Variants in TENT4B observed in about 807,000 individuals in gnomAD.
TENT4B encodes the protein terminal nucleotidyltransferase 4B.
In TENT4B, 10 loss-of-function variants were observed where a neutral mutation model predicts 75.0. The observed-to-expected ratio is 0.13, with a 90% CI of 0.08 to 0.23. TENT4B has a LOEUF of 0.23. Ranked by LOEUF, TENT4B falls within the 10% of genes least tolerant of loss-of-function variation. The probability of loss-of-function intolerance (pLI) is 1.00; values close to 1 mark genes in which losing one functional copy is unlikely to be tolerated. For synonymous variants in TENT4B, 350 were observed against 357.7 expected, an observed-to-expected ratio of 0.98 and a Z score of 0.24; for missense variants, 579 against 893.8, an observed-to-expected ratio of 0.65 and a Z score of 4.49.
chr16:50,159,749 C>T (rs191985821), intron 1 of TENT4B, among the ~76,000 whole-genome samples: 4 of 152,286 alleles, frequency 2.6e-5, no homozygotes, highest in African/African-American at 9.6e-5. Flanking sequence ...TTGAATTTTA[C>T]TGATTTGGGT....
intron 1 of TENT4B, among the ~76,000 whole-genome samples, chr16:50,189,769 G>A (rs1403955406): frequency 6.6e-6 from 1 of 151,714 alleles, no homozygotes; most frequent in African/African-American, 2.4e-5. Flanking sequence ...TAGCATTTTT[G>A]GCTGGGTGTG....
intron 1 of TENT4B, among the ~76,000 whole-genome samples, chr16:50,203,249 C>G (rs1157848684): frequency 6.6e-6 from 1 of 152,072 alleles, no homozygotes; most frequent in African/African-American, 2.4e-5. Context: ...TGTATTTTCT[C>G]TCTTGTTTTT....
At chr16:50,222,510 A>G in intron 6 of TENT4B, 76 bp downstream of exon 6, 1 of 1,520,520 alleles carries the variant, frequency 6.6e-7, no homozygotes, top group East Asian at 2.4e-5. Flanking sequence ...CATTTTGGAA[A>G]AAATCGAAAT....
intron 1 of TENT4B, among the ~76,000 whole-genome samples, chr16:50,188,322 G>C (rs2038574613): frequency 6.6e-6 from 1 of 152,134 alleles, no homozygotes; most frequent in African/African-American, 2.4e-5. Context: ...ATAAAACCTT[G>C]GAGGGGTGCC....
At chr16:50,155,692 T>C (rs1222565443) in intron 1 of TENT4B, among the ~76,000 whole-genome samples, 1 of 152,180 alleles carries the variant, frequency 6.6e-6, no homozygotes, top group Non-Finnish European at 1.5e-5. Flanking sequence ...GTTGCTAAGC[T>C]TCAAGGGTGC....
chr16:50,153,294 C>T (rs1041216975), upstream of TENT4B, among the ~76,000 whole-genome samples: 40 of 146,724 alleles, frequency 2.7e-4, no homozygotes, highest in African/African-American at 9.3e-4. Context: ...GCTGCCGCCG[C>T]CGCCGCTCGC....
intron 1 of TENT4B, among the ~76,000 whole-genome samples, chr16:50,155,931 T>C (rs559594523): frequency 6.6e-6 from 1 of 152,352 alleles, no homozygotes; most frequent in East Asian, 1.9e-4. Flanking sequence ...GCAAAAGATA[T>C]AAGTCCAAGA....
At chr16:50,201,494 G>A (rs1438909003) in intron 1 of TENT4B, among the ~76,000 whole-genome samples, 3 of 150,594 alleles carry the variant, frequency 2.0e-5, no homozygotes, top group Non-Finnish European at 3.0e-5. Context: ...CCGAGATCGC[G>A]CCACTGCACT....
In TENT4B at chr16:50,175,736, C is replaced by T. The variant is rs1453004731; in HGVS notation, c.638+21477C>T. On this transcript the variant is annotated intron_variant, in intron 1 of 11. Coordinates refer to ENST00000561678, the MANE Select transcript of TENT4B (RefSeq NM_001365324.3). ...CCGCCCGCCTCAGCCTCCCAAAGTGCTGAGATTACAGGCATGAGCCACCAC... is the reference window on the plus strand; with the variant it reads ...CCGCCCGCCTCAGCCTCCCAAAGTGTTGAGATTACAGGCATGAGCCACCAC... Among the ~76,000 whole-genome samples, 3 of 152,062 alleles carry T rather than the reference C, an allele frequency of 2.0e-5. No individual in the cohort carries two copies. In the East Asian group the frequency reaches 5.8e-4, roughly 29 times the overall value.
chr16:50,233,445 C>CT lies in TENT4B; in HGVS notation c.*4122dup, dbSNP rs2032354515. 2.0e-6 allele frequency: 2 copies of CT among 985,250 alleles called. No homozygotes were observed. The highest frequency in any genetic ancestry group is 1.2e-6 in the Non-Finnish European group (1 of 829,882). The allele number at this position is 985,250 out of a possible 1,614,324, so 61.0% of individuals were successfully genotyped here. On this transcript the variant is annotated 3_prime_UTR_variant, in exon 12 of 12. Coordinates refer to ENST00000561678, the MANE Select transcript of TENT4B (RefSeq NM_001365324.3). Reference sequence around the variant, plus strand: ...TTGAAAACTTGACCTAACTGGAAGCCTTTTTCTCAGTCATCTTGTTCTAAG... The same window carrying CT: ...TTGAAAACTTGACCTAACTGGAAGCCTTTTTTCTCAGTCATCTTGTTCTAAG...
chr16:50,169,778 G>A (rs183852626), intron 1 of TENT4B, among the ~76,000 whole-genome samples: 96 of 152,294 alleles, frequency 6.3e-4, no homozygotes, highest in African/African-American at 2.1e-3. Context: ...GGTGCCCCAT[G>A]CGTGCATGCA....
In TENT4B at chr16:50,229,654, A is replaced by G. The variant is rs528665534; in HGVS notation, c.*326A>G. On this transcript the variant is annotated 3_prime_UTR_variant, in exon 12 of 12. Transcript: ENST00000561678. ...TCTCATTGGCTTTATGCAGAGTTAT[A>G]GGGAATAGTATTCAGTGTTGGTAGG... 3 of 1,034,486 alleles carry G rather than the reference A, an allele frequency of 2.9e-6. No homozygotes were observed. The East Asian group carries it at 2.5e-4, about 85-fold the overall frequency. 64.1% of individuals were successfully genotyped at this position (1,034,486 alleles called of 1,614,324 possible).
chr16:50,153,089 C>A (rs1421797427), upstream of TENT4B: 30 of 1,346,678 alleles, frequency 2.2e-5, no homozygotes, highest in Non-Finnish European at 8.7e-6. Context: ...CGGTTGCGGC[C>A]CCGTCGCGCC....
In TENT4B at chr16:50,233,760, G is replaced by C. The variant is rs1018033082; in HGVS notation, c.*4432G>C. ...TACTTTATTGAGTTTAACCTTGTCT[G>C]TAGCCTAGTAGCCTGAAAGAAAAGG... On this transcript the variant is annotated 3_prime_UTR_variant, in exon 12 of 12. Coordinates refer to ENST00000561678, the MANE Select transcript of TENT4B (RefSeq NM_001365324.3). The C allele has an allele frequency of 2.0e-6, 2 of 985,138 alleles. No individual in the cohort carries two copies. The highest frequency in any genetic ancestry group is 2.4e-6 in the Non-Finnish European group (2 of 829,918). 61.0% of individuals were successfully genotyped at this position (985,138 alleles called of 1,614,324 possible).
chr16:50,207,004 ATTAATT>A (rs1567504099), intron 1 of TENT4B, among the ~76,000 whole-genome samples: 2 of 146,602 alleles, frequency 1.4e-5, no homozygotes, highest in Non-Finnish European at 3.0e-5. Context: ...ATGTTCTGTT[ATTAATT>A]TTGAGATTTT....
At chr16:50,164,746 A>T (rs2038067325) in intron 1 of TENT4B, among the ~76,000 whole-genome samples, 1 of 152,052 alleles carries the variant, frequency 6.6e-6, no homozygotes, top group South Asian at 2.1e-4. Flanking sequence ...CTTAAAAAAA[A>T]AGGTTTTACT....
At position 50,214,280 on chromosome 16, in the gene TENT4B, A is replaced by C. The variant is rs762885447; in HGVS notation, c.809+13A>C. On this transcript the variant is annotated intron_variant, in intron 3 of 11. Transcript: ENST00000561678. ...ATTTACCTACTAGGTTAGTACACTCATGAATCTTTCAAAGGACTTTTCTTA... is the reference window on the plus strand; with the variant it reads ...ATTTACCTACTAGGTTAGTACACTCCTGAATCTTTCAAAGGACTTTTCTTA... The C allele has an allele frequency of 8.3e-6, 13 of 1,569,672 alleles. No homozygotes were observed. The Admixed American group carries it at 2.1e-4, about 25-fold the overall frequency.
rs542583431 is a variant in TENT4B, at chr16:50,209,122, G to A, written c.639-2201G>A. 2.6e-5 allele frequency among the ~76,000 whole-genome samples: 4 copies of A among 152,270 alleles called. No homozygotes were observed. The South Asian group carries it at 6.2e-4, about 24-fold the overall frequency. ...TGCCTTTATTTGAATTAGAAAATTC[G>A]TAAGGGGGCCTTGAGAGTAGATGCA... On this transcript the variant is annotated intron_variant, in intron 1 of 11. Coordinates refer to ENST00000561678, the MANE Select transcript of TENT4B (RefSeq NM_001365324.3).
intron 5 of TENT4B, among the ~76,000 whole-genome samples, chr16:50,218,617 G>A (rs552450795): frequency 6.6e-6 from 1 of 152,048 alleles, no homozygotes; most frequent in East Asian, 1.9e-4. Context: ...CTCCCAAAGT[G>A]CCCGGATTAC....
Sources: gnomAD v4.1 joint callset for allele counts (sites outside exome capture counted in the v4.1 genomes callset) on GRCh38, gnomAD v4.1.1 for gene constraint, MANE v1.5 for transcripts, NCBI Gene and HGNC (gene_info 2026-07-23, HGNC 2026-07-21) for gene names.